Variants in PCSK5 observed in about 807,000 individuals in gnomAD.
PCSK5 encodes prohormone convertase 5.
In PCSK5, 129 loss-of-function variants were observed where a neutral mutation model predicts 233.2. The observed-to-expected ratio is 0.55, with a 90% CI of 0.48 to 0.64. The LOEUF (loss-of-function observed/expected upper bound fraction) is 0.64. Ranked by LOEUF, PCSK5 falls within the 30% of genes least tolerant of loss-of-function variation. PCSK5 has a pLI of 0.00. For missense variants in PCSK5, 2,076 were observed against 2,430.1 expected (o/e 0.85, Z 3.06); for synonymous variants, 825 against 879.2 (o/e 0.94, Z 1.09).
chr9:75,912,293 C>T (rs1053717980), intron 1 of PCSK5, among the ~76,000 whole-genome samples: 3 of 151,982 alleles, frequency 2.0e-5, no homozygotes, highest in Non-Finnish European at 2.9e-5. Flanking sequence ...GTGCAAAGGC[C>T]GTGGACAGGA....
In PCSK5 at chr9:76,361,745, C is replaced by G. The variant is rs1185335985; in HGVS notation, c.*2823C>G. 2.0e-5 allele frequency: 3 copies of G among 152,146 alleles called. No homozygotes were observed. The highest frequency in any genetic ancestry group is 4.4e-5 in the Non-Finnish European group (3 of 68,038). 9.4% of individuals were successfully genotyped at this position (152,146 alleles called of 1,614,324 possible). On this transcript the variant is annotated 3_prime_UTR_variant, in exon 38 of 38. Transcript: ENST00000674117. ...TTATCTCTTCAAAATGTATCTGAAG[C>G]CCTGATAGTTCTACTTTCAATTCTT...
intron 32 of PCSK5, among the ~76,000 whole-genome samples, chr9:76,326,393 A>G (rs967505790): frequency 2.3e-4 from 33 of 142,350 alleles, no homozygotes; most frequent in African/African-American, 2.1e-4. Flanking sequence ...AGCAAAAAAA[A>G]GAAAAAAAAA....
At chr9:75,926,580 C>G (rs1326458388) in intron 1 of PCSK5, among the ~76,000 whole-genome samples, 1 of 152,176 alleles carries the variant, frequency 6.6e-6, no homozygotes, top group Admixed American at 6.5e-5. Flanking sequence ...GCATGGTTCT[C>G]CAGGCATCTC....
intron 24 of PCSK5, among the ~76,000 whole-genome samples, chr9:76,248,590 G>A (rs76296455): frequency 0.021 from 3,222 of 152,252 alleles, 95 homozygotes; most frequent in South Asian, 0.12. Flanking sequence ...TGGGTGGAAA[G>A]TTGCTATGGA....
chr9:76,248,080 G>A (rs368209377), intron 24 of PCSK5, among the ~76,000 whole-genome samples: 3 of 152,004 alleles, frequency 2.0e-5, no homozygotes, highest in Non-Finnish European at 2.9e-5. Flanking sequence ...CACCGCTCCC[G>A]ACCTTAATCT....
At chr9:76,155,391 T>C (rs1054434503) in intron 10 of PCSK5, among the ~76,000 whole-genome samples, 57 of 152,358 alleles carry the variant, frequency 3.7e-4, no homozygotes, top group African/African-American at 1.3e-3. Context: ...CGTTTTTATA[T>C]ACTATAGTTT....
intron 9 of PCSK5, among the ~76,000 whole-genome samples, chr9:76,109,419 C>G (rs1832111634): frequency 7.5e-6 from 1 of 133,166 alleles, no homozygotes; most frequent in Admixed American, 8.3e-5. Context: ...TGAGATATTA[C>G]TGTAACACTA....
intron 24 of PCSK5, among the ~76,000 whole-genome samples, chr9:76,280,847 C>A (rs1180466052): frequency 7.6e-6 from 1 of 131,484 alleles, no homozygotes; most frequent in African/African-American, 3.2e-5. Flanking sequence ...AAGTGCTACT[C>A]CAGTGAATAC....
At chr9:76,142,840 T>C (rs574805685) in intron 10 of PCSK5, among the ~76,000 whole-genome samples, 1 of 152,328 alleles carries the variant, frequency 6.6e-6, no homozygotes, top group South Asian at 2.1e-4. Context: ...CTCTTCTTTG[T>C]AGTCTGTTTT....
chr9:76,211,827 G>A (rs1169715452), intron 20 of PCSK5, among the ~76,000 whole-genome samples: 1 of 152,074 alleles, frequency 6.6e-6, no homozygotes, highest in Non-Finnish European at 1.5e-5. Context: ...CAGCCTGGGT[G>A]AGAGAATGAG....
At chr9:76,062,008 A>G (rs1222114136) in intron 5 of PCSK5, among the ~76,000 whole-genome samples, 2 of 152,162 alleles carry the variant, frequency 1.3e-5, no homozygotes, top group Admixed American at 1.3e-4. Context: ...TTGGTTTGGG[A>G]GGCTAAGATG....
At chr9:75,961,122 C>G (rs1291806381) in intron 2 of PCSK5, among the ~76,000 whole-genome samples, 1 of 152,206 alleles carries the variant, frequency 6.6e-6, no homozygotes, top group Admixed American at 6.5e-5. Context: ...GCTACTGTTG[C>G]TACTGAACTG....
intron 1 of PCSK5, among the ~76,000 whole-genome samples, chr9:75,912,696 T>C (rs1241844529): frequency 2.0e-5 from 3 of 152,182 alleles, no homozygotes; most frequent in African/African-American, 4.8e-5. Context: ...TACTACATGA[T>C]AACAGAAGGT....
chr9:76,046,174 T>TTG lies in PCSK5; in HGVS notation c.632+19138_632+19139insGT, dbSNP rs1563993005. The stretch of plus-strand genomic sequence containing the variant: ...TTTTTTCTTTTGTTTTTTTTTTTTT[T>TTG]TTTTTTTTTTTTTTTTTTTTTGAGA... On this transcript the variant is annotated intron_variant, in intron 5 of 37. Transcript: ENST00000674117. Among the ~76,000 whole-genome samples the TTG allele has an allele frequency of 1.3e-4, 14 of 109,690 alleles. No homozygotes were observed. In the East Asian group the frequency reaches 3.5e-3, roughly 27 times the overall value. The allele number at this position is 109,690 out of a possible 152,430, so 72.0% of individuals were successfully genotyped here. A position where few individuals can be genotyped will look rare whatever the true frequency, so the allele number is the denominator to read the frequency against.
intron 30 of PCSK5, among the ~76,000 whole-genome samples, chr9:76,318,915 TA>T (rs1829110146): frequency 6.6e-6 from 1 of 152,188 alleles, no homozygotes; most frequent in Admixed American, 6.5e-5. Context: ...TTGGGTCACA[TA>T]GGGAAAAGAG....
At chr9:76,344,721 G>C (rs1368512197) in intron 35 of PCSK5, among the ~76,000 whole-genome samples, 1 of 152,020 alleles carries the variant, frequency 6.6e-6, no homozygotes, top group Non-Finnish European at 1.5e-5. Context: ...TTCCAACTAG[G>C]GTTGTCTGAT....
rs79472567 is a variant in PCSK5 at position 76,021,577 on chromosome 9, T to C, written c.412-2161T>C. ...CAGGAAGATGGGGGAAAGATACAAA[T>C]GTTCATAAAAATGTAGAAGCCCCTG... On this transcript the variant is annotated intron_variant, in intron 3 of 37. Transcript: ENST00000674117. Among the ~76,000 whole-genome samples, 625 of 152,080 alleles carry C rather than the reference T, an allele frequency of 4.1e-3. 7 individuals are homozygous for C. Among genetic ancestry groups the C allele is most frequent in the African/African-American group, 0.014 (571 of 41,480 alleles).
At chr9:75,915,303 G>T (rs1218514741) in intron 1 of PCSK5, among the ~76,000 whole-genome samples, 1 of 152,186 alleles carries the variant, frequency 6.6e-6, no homozygotes, top group East Asian at 1.9e-4. Context: ...CATCCATCAT[G>T]TTGAGCAGCC....
At chr9:75,892,515 C>A (rs1825655290) in intron 1 of PCSK5, among the ~76,000 whole-genome samples, 1 of 152,222 alleles carries the variant, frequency 6.6e-6, no homozygotes, top group Non-Finnish European at 1.5e-5. Flanking sequence ...GCCTTTCCAG[C>A]AGGCGCGCTT....
Sources: allele counts gnomAD v4.1 joint callset (sites outside exome capture counted in the v4.1 genomes callset), GRCh38; gene constraint gnomAD v4.1.1; transcripts MANE v1.5; gene names NCBI Gene and HGNC (gene_info 2026-07-23, HGNC 2026-07-21).